Variants in GRM1 observed in about 807,000 individuals in gnomAD.
GRM1 encodes metabotropic glutamate receptor 1.
GRM1 carries 33 observed loss-of-function variants against 90.9 expected under a neutral mutation model. That is an observed-to-expected ratio of 0.36 (90% confidence interval 0.28 to 0.49). The LOEUF (loss-of-function observed/expected upper bound fraction) is 0.49, where lower values mean the gene tolerates loss of function less well. GRM1 is among the 20% of genes least tolerant of loss of function. The probability of loss-of-function intolerance (pLI) is 0.99; values close to 1 mark genes in which losing one functional copy is unlikely to be tolerated. For missense variants in GRM1, 1,190 were observed against 1,534.3 expected (o/e 0.78, Z 3.75); for synonymous variants, 700 against 613.2 (o/e 1.14, Z -2.09).
chr6:146,268,447 A>T (rs746058788), intron 2 of GRM1, among the ~76,000 whole-genome samples: 6 of 152,172 alleles, frequency 3.9e-5, no homozygotes, highest in Non-Finnish European at 7.3e-5. Context: ...TTGTATCATT[A>T]TCCATTTACT....
intron 6 of GRM1, among the ~76,000 whole-genome samples, chr6:146,391,939 C>T (rs1280395868): frequency 6.6e-6 from 1 of 151,978 alleles, no homozygotes; most frequent in Non-Finnish European, 1.5e-5. Context: ...TACTTACATC[C>T]CCTCTAGCAT....
In GRM1 at chr6:146,399,396, A is replaced by G; in HGVS notation, c.2357A>G (p.Tyr786Cys). Residue 786 changes from tyrosine (Y) to cysteine (C), a missense_variant, in exon 7 of 8, where the codon TAT becomes TGT. Physicochemically the swap from Tyr to Cys is radical, Grantham distance 194. This residue lies in a region of GRM1 where 73 missense variants were observed against 150.6 expected (regional missense o/e 0.48). Coordinates refer to ENST00000282753, the MANE Select transcript of GRM1 (RefSeq NM_001278064.2). This position sits in a 1 kb window ranked among gnomAD's most constrained non-coding sequence, Gnocchi z 5.4. ...CCCGCCAACTTCAACGAGGCCAAAT[A>G]TATCGCGTTCACCATGTACACCACC... ...NVPANFNEAK[Y>C]IAFTMYTTCI... 6.2e-7 allele frequency: 1 copy of G among 1,614,088 alleles called. No homozygotes were observed. The highest frequency in any genetic ancestry group is 8.5e-7 in the Non-Finnish European group (1 of 1,180,006).
intron 7 of GRM1, among the ~76,000 whole-genome samples, chr6:146,413,354 A>G (rs1447541881): frequency 1.3e-5 from 2 of 152,078 alleles, no homozygotes; most frequent in African/African-American, 2.4e-5. Context: ...AATTATTGGT[A>G]TTGATTGTAT....
intron 2 of GRM1, among the ~76,000 whole-genome samples, chr6:146,209,378 T>C (rs937811259): frequency 1.3e-5 from 2 of 152,092 alleles, no homozygotes; most frequent in African/African-American, 2.4e-5. Flanking sequence ...CATTTTTGAT[T>C]AAGTAGGTGA....
At chr6:146,059,292 C>T (rs1775584781) in intron 1 of GRM1, among the ~76,000 whole-genome samples, 1 of 152,144 alleles carries the variant, frequency 6.6e-6, no homozygotes, top group Admixed American at 6.6e-5. Flanking sequence ...ATTAATCTTC[C>T]TGTACGTCTC....
intron 2 of GRM1, among the ~76,000 whole-genome samples, chr6:146,282,219 C>G (rs1339208361): frequency 2.6e-5 from 4 of 152,176 alleles, no homozygotes; most frequent in Non-Finnish European, 5.9e-5. Context: ...TTCCCATTAT[C>G]TAATATTTAG....
chr6:146,051,989 T>G (rs1379877139), intron 1 of GRM1, among the ~76,000 whole-genome samples: 1 of 152,096 alleles, frequency 6.6e-6, no homozygotes, highest in Non-Finnish European at 1.5e-5. Flanking sequence ...GTAATGCTGC[T>G]TGTAACTTTC....
intron 2 of GRM1, among the ~76,000 whole-genome samples, chr6:146,252,300 T>A (rs748985552): frequency 6.6e-6 from 1 of 152,138 alleles, no homozygotes; most frequent in Non-Finnish European, 1.5e-5. Context: ...TGAAAAATAT[T>A]TGGGGAGACT....
intron 1 of GRM1, among the ~76,000 whole-genome samples, chr6:146,044,445 A>G (rs925090577): frequency 2.6e-5 from 4 of 151,960 alleles, no homozygotes; most frequent in African/African-American, 9.7e-5. Flanking sequence ...CTCAGTACCT[A>G]TGATGCTGTC....
At chr6:146,045,055 C>T (rs1455694615) in intron 1 of GRM1, among the ~76,000 whole-genome samples, 1 of 151,802 alleles carries the variant, frequency 6.6e-6, no homozygotes, top group Non-Finnish European at 1.5e-5. Context: ...CTCTGGAAGC[C>T]CCTTCTCATA....
intron 2 of GRM1, among the ~76,000 whole-genome samples, chr6:146,165,176 A>G (rs1291830356): frequency 6.6e-6 from 1 of 152,112 alleles, no homozygotes; most frequent in Non-Finnish European, 1.5e-5. Flanking sequence ...AATGGTTGAA[A>G]TGGAGCAATT....
chr6:146,286,846 C>G (rs182075903), intron 2 of GRM1, among the ~76,000 whole-genome samples: 12 of 152,148 alleles, frequency 7.9e-5, no homozygotes, highest in Middle Eastern at 6.8e-3. Flanking sequence ...CTGACAGCCT[C>G]TTGTATAGAT....
chr6:146,032,111 T>TA (rs773965866), intron 1 of GRM1, among the ~76,000 whole-genome samples: 39 of 152,310 alleles, frequency 2.6e-4, no homozygotes, highest in Admixed American at 4.6e-4. Context: ...ATGTTTTCAC[T>TA]AATTTTGCTG....
chr6:146,304,893 T>G (rs1410823911), intron 3 of GRM1, 47 bp downstream of exon 3: 2 of 1,279,020 alleles, frequency 1.6e-6, no homozygotes, highest in Non-Finnish European at 2.3e-6. Flanking sequence ...GGTCATCTCT[T>G]CTAGATTTAT....
intron 1 of GRM1, among the ~76,000 whole-genome samples, chr6:146,035,349 C>G (rs1035827231): frequency 6.6e-6 from 1 of 151,702 alleles, no homozygotes; most frequent in Admixed American, 6.6e-5. Context: ...GAACTTTGGC[C>G]AAGAGAACAT....
intron 6 of GRM1, among the ~76,000 whole-genome samples, chr6:146,394,197 G>A (rs1021632272): frequency 1.3e-5 from 2 of 152,066 alleles, no homozygotes; most frequent in African/African-American, 4.8e-5. Flanking sequence ...TCAGGACATA[G>A]GCATGGGCAA....
chr6:146,336,728 G>A (rs781186311), intron 3 of GRM1, among the ~76,000 whole-genome samples: 11 of 152,078 alleles, frequency 7.2e-5, no homozygotes, highest in Non-Finnish European at 1.5e-4. Context: ...CTCCAGTATT[G>A]GCAACTCTTC....
chr6:146,261,471 A>G (rs1183190282), intron 2 of GRM1, among the ~76,000 whole-genome samples: 2 of 152,130 alleles, frequency 1.3e-5, no homozygotes. Flanking sequence ...TCAATTTCCC[A>G]AAAAATGCTC....
intron 2 of GRM1, among the ~76,000 whole-genome samples, chr6:146,194,109 A>C (rs1583145161): frequency 6.6e-6 from 1 of 151,986 alleles, no homozygotes; most frequent in Admixed American, 6.6e-5. Context: ...TCAATGTTTT[A>C]ATTTGCATAT....
Sources: gnomAD v4.1 joint callset for allele counts (sites outside exome capture counted in the v4.1 genomes callset) on GRCh38, gnomAD v4.1.1 for gene constraint, gnomAD v4.1.1 regional missense constraint, Gnocchi (gnomAD v3.1) non-coding constraint, MANE v1.5 for transcripts, NCBI Gene and HGNC (gene_info 2026-07-23, HGNC 2026-07-21) for gene names.